The following MVP variants were observed in gnomAD, a reference collection of about 807,000 sequenced individuals.
The protein encoded by MVP is major vault protein.
Under a neutral mutation model 83.5 loss-of-function variants are expected in MVP, and 62 were observed. That is an observed-to-expected ratio of 0.74 (90% CI 0.61 to 0.92). MVP has a LOEUF of 0.92. Among genes scored for constraint, MVP ranks in the 40% least tolerant of loss-of-function variants. The pLI, the probability that MVP is intolerant of heterozygous loss-of-function variation, is 0.00. For missense variants in MVP, 1,000 were observed against 1,203.4 expected (o/e 0.83, Z 2.50); for synonymous variants, 505 against 504.1 (o/e 1.00, Z -0.02).
chr16:29,843,082 A>G lies in MVP; in HGVS notation c.1634+970A>G, dbSNP rs550195069. On this transcript the variant is annotated intron_variant, in intron 10 of 14. Transcript: ENST00000357402. Reference sequence around the variant, plus strand: ...TCCCCATCTGTAACATGAGGAAGACAGCATTTTCTCCTTCACAAGGCCATT... The same window carrying G: ...TCCCCATCTGTAACATGAGGAAGACGGCATTTTCTCCTTCACAAGGCCATT... 5.4e-4 allele frequency among the ~76,000 whole-genome samples: 83 copies of G among 152,336 alleles called. 3 individuals are homozygous for G. In the South Asian group the frequency reaches 0.017, roughly 31 times the overall value.
In MVP at chr16:29,841,806, G is replaced by A; in HGVS notation, c.1402G>A (p.Val468Met). 2 of 1,612,328 alleles carry A rather than the reference G, an allele frequency of 1.2e-6. No homozygotes were observed. Among genetic ancestry groups the A allele is most frequent in the Non-Finnish European group, 1.7e-6 (2 of 1,180,020 alleles). ...VSYRVPHNAAVQVYDYREKRA... is the reference protein window; with the variant it reads ...VSYRVPHNAAMQVYDYREKRA... ...CTACCGCGTGCCCCACAACGCTGCGGTGCAGGTGTACGACTACCGAGAGAA... is the reference window on the plus strand; with the variant it reads ...CTACCGCGTGCCCCACAACGCTGCGATGCAGGTGTACGACTACCGAGAGAA... The change falls in exon 9 of 15, where the codon GTG (valine) becomes ATG (methionine). Residue 468 changes from valine (V) to methionine (M), a missense_variant. Val to Met is a conservative substitution (Grantham distance 21, BLOSUM62 1). Transcript: ENST00000357402. The surrounding 1 kb of genome is among the most constrained non-coding windows in gnomAD (Gnocchi z 4.7).
intron 12 of MVP, 24 bp from the exon 13 acceptor site, chr16:29,846,134 T>C: frequency 6.2e-7 from 1 of 1,605,100 alleles, no homozygotes; most frequent in Non-Finnish European, 8.5e-7. Flanking sequence ...TCCCGGGTCT[T>C]ACCTGACTCT....
rs190264181 is a variant in MVP at position 29,836,317 on chromosome 16, G to A, written c.673-405G>A. 4.6e-5 allele frequency among the ~76,000 whole-genome samples: 7 copies of A among 151,130 alleles called. No individual in the cohort carries two copies. The Admixed American group carries it at 4.6e-4, about 10-fold the overall frequency. On this transcript the variant is annotated intron_variant, in intron 6 of 14. Coordinates refer to ENST00000357402, the MANE Select transcript of MVP (RefSeq NM_005115.5). ...CGGTCGGGTGCAGTGGCTCATGCCT[G>A]TAATCCTAGCATTTTGGGAGGCTGA...
At chr16:29,826,889 T>A (rs552117077) in intron 1 of MVP, among the ~76,000 whole-genome samples, 3 of 146,028 alleles carry the variant, frequency 2.1e-5, no homozygotes, top group Non-Finnish European at 4.5e-5. Flanking sequence ...ATTGCGCCAC[T>A]GCACTCCAGC....
At position 29,844,738 on chromosome 16, in the gene MVP, T is replaced by A. The variant is rs905096558; in HGVS notation, c.1880T>A (p.Val627Asp). Residue 627 changes from valine (V) to aspartate (D), a missense_variant, in exon 11 of 15, where the codon GTC becomes GAC. By Grantham distance (152) the Val-to-Asp change is radical. Transcript: ENST00000357402. Reference sequence around the variant, plus strand: ...CTGCCCAGGCCCCGGGACCAGGCTGTCTTCCCCCAAAACGGGCTGGTGGTC... The same window carrying A: ...CTGCCCAGGCCCCGGGACCAGGCTGACTTCCCCCAAAACGGGCTGGTGGTC... ...MALPRPRDQA[V>D]FPQNGLVVSS... The A allele has an allele frequency of 6.2e-7, 1 of 1,612,956 alleles. No homozygotes were observed. The highest frequency in any genetic ancestry group is 8.5e-7 in the Non-Finnish European group (1 of 1,179,992).
intron 7 of MVP, among the ~76,000 whole-genome samples, chr16:29,839,717 G>A (rs1283030220): frequency 4.9e-5 from 7 of 142,752 alleles, no homozygotes; most frequent in African/African-American, 1.8e-4. Flanking sequence ...CTGGAAGGTT[G>A]AGGCTGCAGA....
At position 29,833,729 on chromosome 16, in the gene MVP, C is replaced by G; in HGVS notation, c.322-4C>G. On this transcript the variant is annotated splice_polypyrimidine_tract_variant and splice_region_variant and intron_variant, in intron 3 of 14. Transcript: ENST00000357402. ...TTCTGTGTCTCCACCTTCTTCCCCA[C>G]TAGGACATCACACCCCTGCAGGTGG... 6 of 1,613,980 alleles carry G rather than the reference C, an allele frequency of 3.7e-6. No homozygotes were observed. The highest frequency in any genetic ancestry group is 4.2e-6 in the Non-Finnish European group (5 of 1,179,958).
chr16:29,846,016 C>T (rs970323119), intron 12 of MVP, 37 bp downstream of exon 12: 9 of 1,613,076 alleles, frequency 5.6e-6, no homozygotes, highest in Non-Finnish European at 7.6e-6. Context: ...TGGCAGGGGC[C>T]GAGGGTCTTA....
At chr16:29,836,589 A>C in intron 6 of MVP, 133 bp from the exon 7 acceptor site, 4 of 781,658 alleles carry the variant, frequency 5.1e-6, no homozygotes, top group East Asian at 2.6e-5. Context: ...AAAAAAAAAA[A>C]AAACAATCCC....
At chr16:29,840,507 G>T in intron 8 of MVP, 48 bp downstream of exon 8, 2 of 1,524,220 alleles carry the variant, frequency 1.3e-6, no homozygotes, top group South Asian at 1.2e-5. Context: ...CCTTGGCCTT[G>T]GTGGCGGCTT....
chr16:29,821,832 C>T (rs2067363783), intron 1 of MVP, among the ~76,000 whole-genome samples: 1 of 152,180 alleles, frequency 6.6e-6, no homozygotes. Context: ...TACTTAGGGG[C>T]GTTTGCCTAG....
rs771013378 is a variant in MVP at position 29,830,637 on chromosome 16, G to A, written c.88G>A (p.Val30Ile). 2 of 1,613,572 alleles carry A rather than the reference G, an allele frequency of 1.2e-6. No individual in the cohort carries two copies. The highest frequency in any genetic ancestry group is 1.7e-6 in the Non-Finnish European group (2 of 1,179,832). Residue 30 changes from valine to isoleucine, a missense_variant, in exon 2 of 15, where the codon GTC becomes ATC. Val to Ile is a conservative substitution (Grantham distance 29). Coordinates refer to ENST00000357402, the MANE Select transcript of MVP (RefSeq NM_005115.5). ...GAACAGCAACGTGTCCCGTGTGGAGGTCGGGCCAAAGACCTACATCCGGCA... is the reference window on the plus strand; with the variant it reads ...GAACAGCAACGTGTCCCGTGTGGAGATCGGGCCAAAGACCTACATCCGGCA... Reference protein sequence around the residue: ...DQNSNVSRVEVGPKTYIRQDN... With the variant: ...DQNSNVSRVEIGPKTYIRQDN...
intron 1 of MVP, chr16:29,829,492 CTCT>C (rs1296536808): frequency 1.4e-5 from 2 of 146,874 alleles, no homozygotes; most frequent in African/African-American, 5.0e-5. Context: ...TGACCTGAGT[CTCT>C]TAAGGATGAG....
rs1205183254 is a variant in MVP, at chr16:29,830,967, T to A, written c.215T>A (p.Leu72Ter). 1.2e-6 allele frequency: 2 copies of A among 1,613,900 alleles called. No homozygotes were observed. Among genetic ancestry groups the A allele is most frequent in the Non-Finnish European group, 1.7e-6 (2 of 1,179,986 alleles). ...ANPVSRDAQGLVLFDVTGQVR... is the reference protein window; with the variant it reads ...ANPVSRDAQG ...CCTGTGTCTCGGGATGCCCAGGGCT[T>A]GGTGCTGTTTGATGTCACAGGGCAA... Residue 72 changes from leucine (L) to a stop codon, truncating the protein, a stop_gained, in exon 3 of 15, where the codon TTG becomes TAG. Transcript: ENST00000357402. LOFTEE classifies it high-confidence loss of function.
At chr16:29,840,854 T>C (rs1005626844) in intron 8 of MVP, among the ~76,000 whole-genome samples, 1 of 151,900 alleles carries the variant, frequency 6.6e-6, no homozygotes, top group African/African-American at 2.4e-5. Flanking sequence ...ACAGGAGAAT[T>C]GCTTGAACTG....
Position 29,830,693 on chromosome 16 carries a change from C to A in MVP, c.125+19C>A, listed in dbSNP as rs2067434833. ...ATGAGAGGTGGGTGTGGGGGCTGGG[C>A]TGTGGGGGATCCTTGGGGATGTGGG... On this transcript the variant is annotated intron_variant, in intron 2 of 14. Coordinates refer to ENST00000357402, the MANE Select transcript of MVP (RefSeq NM_005115.5). 6.2e-7 allele frequency: 1 copy of A among 1,612,408 alleles called. No homozygotes were observed. Among genetic ancestry groups the A allele is most frequent in the Non-Finnish European group, 8.5e-7 (1 of 1,179,226 alleles).
chr16:29,827,441 G>A lies in MVP; in HGVS notation c.-35-3074G>A, dbSNP rs73528361. Among the ~76,000 whole-genome samples, 1,367 of 152,194 alleles carry A rather than the reference G, an allele frequency of 9.0e-3. 15 individuals carry two copies. The highest frequency in any genetic ancestry group is 0.031 in the African/African-American group (1,288 of 41,524). On this transcript the variant is annotated intron_variant, in intron 1 of 14. Transcript: ENST00000357402. ...CAGTCTGGGTTGGAATGGGTGCCCC[G>A]AGCCACGGGACCATGATGCCTCTCT...
At chr16:29,839,944 T>C in intron 7 of MVP, 1 of 454,486 alleles carries the variant, frequency 2.2e-6, no homozygotes, top group South Asian at 5.2e-5. Context: ...ATCCAGGTCC[T>C]GACAGTTATG....
intron 11 of MVP, 121 bp downstream of exon 11, chr16:29,845,000 C>T (rs1333236242): frequency 3.8e-6 from 5 of 1,327,686 alleles, no homozygotes; most frequent in Non-Finnish European, 3.0e-6. Flanking sequence ...AGATCTATTC[C>T]CTACCCAACA....
Sources: allele counts gnomAD v4.1 joint callset (sites outside exome capture counted in the v4.1 genomes callset), GRCh38; gene constraint gnomAD v4.1.1; non-coding constraint Gnocchi (gnomAD v3.1); transcripts MANE v1.5; gene names NCBI Gene and HGNC (gene_info 2026-07-23, HGNC 2026-07-21).